TRIM22: variants seen among roughly 807,000 people sequenced by gnomAD.
The protein encoded by TRIM22 is tripartite motif containing 22, also known as E3 ubiquitin-protein ligase TRIM22.
TRIM22 carries 45 observed loss-of-function variants against 53.6 expected under a neutral mutation model. The observed-to-expected ratio is 0.84, with a 90% CI of 0.66 to 1.08. TRIM22 has a LOEUF of 1.08. Among genes scored for constraint, TRIM22 ranks in the 50% least tolerant of loss-of-function variants. The pLI is 0.00. For missense variants in TRIM22, 616 were observed against 590.9 expected (o/e 1.04, Z -0.44); for synonymous variants, 225 against 216.6 (o/e 1.04, Z -0.34).
At chr11:5,702,481 C>CAT (rs1564942360) in intron 4 of TRIM22, among the ~76,000 whole-genome samples, 2 of 149,040 alleles carry the variant, frequency 1.3e-5, no homozygotes, top group African/African-American at 4.9e-5. Context: ...TAACACTATA[C>CAT]ATATATATAT....
chr11:5,705,818 T>C (rs1306206864), intron 4 of TRIM22, among the ~76,000 whole-genome samples: 1 of 152,172 alleles, frequency 6.6e-6, no homozygotes, highest in Non-Finnish European at 1.5e-5. Flanking sequence ...TGTAAATAGT[T>C]GGGAAATAGT....
At chr11:5,693,527 T>C (rs1853208734) in intron 1 of TRIM22, among the ~76,000 whole-genome samples, 1 of 151,770 alleles carries the variant, frequency 6.6e-6, no homozygotes, top group Admixed American at 6.6e-5. Flanking sequence ...GAGACCATCC[T>C]GGCTAACACA....
chr11:5,709,752 C>T lies in TRIM22; in HGVS notation c.*104C>T. The T allele has an allele frequency of 2.0e-6, 2 of 1,013,864 alleles. No homozygotes were observed. The highest frequency in any genetic ancestry group is 2.9e-6 in the Non-Finnish European group (2 of 691,484). The allele number at this position is 1,013,864 out of a possible 1,614,324, so 62.8% of individuals were successfully genotyped here. Reference sequence around the variant, plus strand: ...CTGAGACCATCTCTTCCTTTCTTTCCCCTTCTTTTACTTAGAATGTCTTTG... The same window carrying T: ...CTGAGACCATCTCTTCCTTTCTTTCTCCTTCTTTTACTTAGAATGTCTTTG... On this transcript the variant is annotated 3_prime_UTR_variant, in exon 8 of 8. Coordinates refer to ENST00000379965, the MANE Select transcript of TRIM22 (RefSeq NM_006074.5).
chr11:5,692,882 T>TTTC (rs2134170728), intron 1 of TRIM22, among the ~76,000 whole-genome samples: 1 of 151,000 alleles, frequency 6.6e-6, no homozygotes, highest in East Asian at 1.9e-4. Context: ...TAATCTTTTT[T>TTTC]TTTTTTTTTC....
At chr11:5,694,808 T>C (rs780279489) in intron 1 of TRIM22, among the ~76,000 whole-genome samples, 16 of 151,984 alleles carry the variant, frequency 1.1e-4, no homozygotes, top group Non-Finnish European at 1.8e-4. Flanking sequence ...GGTGTGTGGG[T>C]GTGTGTGTAT....
intron 1 of TRIM22, chr11:5,691,107 T>G (rs1853165230): frequency 6.6e-6 from 1 of 152,242 alleles, no homozygotes; most frequent in Admixed American, 6.5e-5. Flanking sequence ...AACTTGTTCT[T>G]CTGAGTACCC....
intron 5 of TRIM22, among the ~76,000 whole-genome samples, chr11:5,707,952 C>A (rs1289207558): frequency 1.3e-5 from 2 of 152,092 alleles, no homozygotes; most frequent in Non-Finnish European, 2.9e-5. Context: ...AAGACCTTCC[C>A]AAGATTACAC....
At chr11:5,703,690 AT>A (rs34863859) in intron 4 of TRIM22, among the ~76,000 whole-genome samples, 10 of 151,636 alleles carry the variant, frequency 6.6e-5, no homozygotes, top group African/African-American at 2.4e-4. Context: ...CGGAAATTTT[AT>A]TTTTTTTATG....
In TRIM22 at chr11:5,697,283, G is replaced by C; in HGVS notation, c.459G>C (p.Lys153Asn). ...KLQVALQRLI[K>N]EDQEAEKLED... ...AGGTAGCCCTGCAGAGGCTGATAAA[G>C]GAGGATCAAGAGGCTGAGAAGCTGG... The change falls in exon 3 of 8, where the codon AAG becomes AAC. Residue 153 changes from lysine (K) to asparagine (N), a missense_variant. Coordinates refer to ENST00000379965, the MANE Select transcript of TRIM22 (RefSeq NM_006074.5). The C allele has an allele frequency of 1.2e-6, 2 of 1,613,618 alleles. No homozygotes were observed. The highest frequency in any genetic ancestry group is 1.3e-5 in the African/African-American group (1 of 75,024).
At chr11:5,694,600 C>CT (rs1166038621) in intron 1 of TRIM22, among the ~76,000 whole-genome samples, 1 of 152,212 alleles carries the variant, frequency 6.6e-6, no homozygotes, top group Non-Finnish European at 1.5e-5. Flanking sequence ...TACATTCACT[C>CT]TTACTCTACC....
At chr11:5,696,825 C>A in intron 2 of TRIM22, 170 bp downstream of exon 2, 1 of 680,420 alleles carries the variant, frequency 1.5e-6, no homozygotes, top group Non-Finnish European at 2.4e-6. Flanking sequence ...GACACTGCTG[C>A]ACATTGTTTT....
intron 6 of TRIM22, 33 bp downstream of exon 6, chr11:5,708,306 G>A: frequency 6.3e-7 from 1 of 1,585,746 alleles, no homozygotes; most frequent in Non-Finnish European, 8.7e-7. Flanking sequence ...TGTGAATGTG[G>A]ATTTCTTAGT....
intron 1 of TRIM22, among the ~76,000 whole-genome samples, chr11:5,692,539 G>C (rs1419313799): frequency 2.6e-5 from 4 of 152,206 alleles, no homozygotes; most frequent in Non-Finnish European, 4.4e-5. Context: ...TCTGAGTTTA[G>C]ACAAATAAGA....
At chr11:5,692,813 A>T (rs1853193806) in intron 1 of TRIM22, among the ~76,000 whole-genome samples, 1 of 149,892 alleles carries the variant, frequency 6.7e-6, no homozygotes, top group Non-Finnish European at 1.5e-5. Context: ...AAAAAAAGAT[A>T]TTGATGGCTA....
chr11:5,703,963 G>C (rs138624508), intron 4 of TRIM22, among the ~76,000 whole-genome samples: 185 of 152,272 alleles, frequency 1.2e-3, no homozygotes, highest in African/African-American at 4.2e-3. Context: ...ACAACAGTCA[G>C]AATGGCTATT....
rs188584446 is a variant in TRIM22, at chr11:5,705,004, A to G, written c.751-1590A>G. Reference sequence around the variant, plus strand: ...AGGACAATATTTGTTTGTCTGTCTAACCTCTATTCCTTTTGATTGTTTCTT... The same window carrying G: ...AGGACAATATTTGTTTGTCTGTCTAGCCTCTATTCCTTTTGATTGTTTCTT... On this transcript the variant is annotated intron_variant, in intron 4 of 7. Coordinates refer to ENST00000379965, the MANE Select transcript of TRIM22 (RefSeq NM_006074.5). Among the ~76,000 whole-genome samples the G allele has an allele frequency of 3.9e-5, 6 of 152,200 alleles. No homozygotes were observed. In the East Asian group the frequency reaches 1.2e-3, roughly 29 times the overall value.
chr11:5,706,065 A>G (rs1279080423), intron 4 of TRIM22, among the ~76,000 whole-genome samples: 3 of 152,242 alleles, frequency 2.0e-5, no homozygotes, highest in Non-Finnish European at 2.9e-5. Context: ...ATATAGGGCA[A>G]ACGTATTTCG....
intron 7 of TRIM22, among the ~76,000 whole-genome samples, 189 bp downstream of exon 7, chr11:5,708,792 C>T (rs1221862966): frequency 6.6e-6 from 1 of 150,944 alleles, no homozygotes; most frequent in East Asian, 1.9e-4. Flanking sequence ...TCTCGGCTCA[C>T]TGCAACCTCT....
rs1231161081 is a variant in TRIM22 at position 5,697,274 on chromosome 11, G to A, written c.450G>A (p.Arg150=). 3 of 1,613,234 alleles carry A rather than the reference G, an allele frequency of 1.9e-6. No individual in the cohort carries two copies. The highest frequency in any genetic ancestry group is 2.7e-5 in the African/African-American group (2 of 74,878). ...AAAAGCTGCAGGTAGCCCTGCAGAG[G>A]CTGATAAAGGAGGATCAAGAGGCTG... The part of the protein sequence containing the change: ...CQEKLQVALQ[R]LIKEDQEAEK... Residue 150 remains arginine, a synonymous_variant, in exon 3 of 8, where the codon AGG becomes AGA. Coordinates refer to ENST00000379965, the MANE Select transcript of TRIM22 (RefSeq NM_006074.5).
Sources: gnomAD v4.1 joint callset for allele counts (sites outside exome capture counted in the v4.1 genomes callset) on GRCh38, gnomAD v4.1.1 for gene constraint, MANE v1.5 for transcripts, NCBI Gene and HGNC (gene_info 2026-07-23, HGNC 2026-07-21) for gene names.